Variants in CNTLN observed in about 807,000 individuals in gnomAD.
CNTLN encodes centlein, also known as centlein, centrosomal protein.
A neutral mutation model predicts 180.0 loss-of-function variants in CNTLN; 212 were observed. The ratio of observed to expected loss-of-function variants is 1.18; its 90% CI spans 1.05 to 1.32. The LOEUF (loss-of-function observed/expected upper bound fraction) is 1.32. Ranked by LOEUF, CNTLN falls within the 40% of genes most tolerant of loss-of-function variation. The pLI, the probability that CNTLN is intolerant of heterozygous loss-of-function variation, is 0.00. For synonymous variants in CNTLN, 722 were observed against 563.1 expected (o/e 1.28, Z -3.99); for missense variants, 2,095 against 1,610.9 (o/e 1.30, Z -5.14).
chr9:17,191,380 A>AG (rs1821778433), intron 2 of CNTLN, among the ~76,000 whole-genome samples: 1 of 152,224 alleles, frequency 6.6e-6, no homozygotes, highest in African/African-American at 2.4e-5. Flanking sequence ...TGTCCAATAG[A>AG]TGTCAAGTAT....
intron 12 of CNTLN, among the ~76,000 whole-genome samples, chr9:17,364,759 T>C (rs1823671215): frequency 6.6e-6 from 1 of 152,178 alleles, no homozygotes; most frequent in African/African-American, 2.4e-5. Flanking sequence ...AAGCCTCCCT[T>C]TAGGGATGAT....
At chr9:17,141,168 C>T (rs1367590379) in intron 1 of CNTLN, among the ~76,000 whole-genome samples, 1 of 152,002 alleles carries the variant, frequency 6.6e-6, no homozygotes, top group Non-Finnish European at 1.5e-5. Flanking sequence ...GTTACTTGGG[C>T]AGAATTGTTT....
At position 17,334,043 on chromosome 9, in the gene CNTLN, C is replaced by T. The variant is rs557314660; in HGVS notation, c.1644+1313C>T. On this transcript the variant is annotated intron_variant, in intron 10 of 25. Transcript: ENST00000380647. ...CATTTTTGAGGAGCAAGTCTATCAT[C>T]TTCCTCCTTTTGCATAATTTTTTTT... Among the ~76,000 whole-genome samples the T allele has an allele frequency of 1.2e-4, 18 of 152,132 alleles. No homozygotes were observed. In the South Asian group the frequency reaches 3.7e-3, roughly 32 times the overall value.
chr9:17,153,408 C>T (rs1317825025), intron 2 of CNTLN, among the ~76,000 whole-genome samples: 1 of 152,110 alleles, frequency 6.6e-6, no homozygotes, highest in African/African-American at 2.4e-5. Flanking sequence ...TTCTCATTCG[C>T]TTATGAAGCT....
intron 18 of CNTLN, among the ~76,000 whole-genome samples, chr9:17,430,250 C>T (rs1041766180): frequency 1.2e-4 from 18 of 151,848 alleles, no homozygotes; most frequent in Non-Finnish European, 2.4e-4. Context: ...TGTTCCAGTC[C>T]GTGTTATCAT....
chr9:17,526,102 A>AT, the CNTLN span, among the ~76,000 whole-genome samples: 288 of 152,008 alleles, frequency 1.9e-3, 2 homozygotes, highest in African/African-American at 6.6e-3. Context: ...CACCCAGCTA[A>AT]TTTTTTGTAT....
At chr9:17,219,783 C>A (rs531987881) in intron 2 of CNTLN, among the ~76,000 whole-genome samples, 1 of 152,040 alleles carries the variant, frequency 6.6e-6, no homozygotes, top group Admixed American at 6.6e-5. Flanking sequence ...CATTTATTCT[C>A]ATGGTTCCAG....
chr9:17,475,427 TA>T (rs1261649879), intron 23 of CNTLN, among the ~76,000 whole-genome samples: 1 of 150,622 alleles, frequency 6.6e-6, no homozygotes, highest in Non-Finnish European at 1.5e-5. Context: ...AGAATAAAAA[TA>T]TTTAATTTGT....
intron 7 of CNTLN, among the ~76,000 whole-genome samples, chr9:17,305,719 C>T (rs16935466): frequency 0.021 from 3,152 of 152,140 alleles, 124 homozygotes; most frequent in African/African-American, 0.072. Context: ...GCTGTTTTAA[C>T]CAAGTTTACT....
At chr9:17,422,489 T>C (rs1159976690) in intron 18 of CNTLN, among the ~76,000 whole-genome samples, 1 of 152,202 alleles carries the variant, frequency 6.6e-6, no homozygotes, top group Non-Finnish European at 1.5e-5. Context: ...AAGTCTGCTG[T>C]TGAGAGACTC....
At position 17,268,652 on chromosome 9, in the gene CNTLN, AG is replaced by A. The variant is rs755511616; in HGVS notation, c.850-5079del. 6.6e-5 allele frequency among the ~76,000 whole-genome samples: 10 copies of A among 152,146 alleles called. 1 individual carries two copies. Among genetic ancestry groups the A allele is most frequent in the Non-Finnish European group, 1.0e-4 (7 of 68,022 alleles). On this transcript the variant is annotated intron_variant, in intron 5 of 25. Coordinates refer to ENST00000380647, the MANE Select transcript of CNTLN (RefSeq NM_017738.4). ...CTGCCCCCAGAGGTGGAGCCTACAGAGGCAGGCAGGCCTCCTTGAGCTGTGG... is the reference window on the plus strand; with the variant it reads ...CTGCCCCCAGAGGTGGAGCCTACAGAGCAGGCAGGCCTCCTTGAGCTGTGG...
rs569916059 is a variant in CNTLN at position 17,189,632 on chromosome 9, C to T, written c.450-36571C>T. Among the ~76,000 whole-genome samples, 12 of 151,660 alleles carry T rather than the reference C, an allele frequency of 7.9e-5. No homozygotes were observed. In the South Asian group the frequency reaches 2.5e-3, roughly 32 times the overall value. On this transcript the variant is annotated intron_variant, in intron 2 of 25. Coordinates refer to ENST00000380647, the MANE Select transcript of CNTLN (RefSeq NM_017738.4). ...CTGAGTAGCTGGGATTACAGGTGCC[C>T]ACCATCACACCTGACTAATTTTTTT...
chr9:17,262,708 G>A (rs968594511), intron 5 of CNTLN, among the ~76,000 whole-genome samples: 3 of 151,112 alleles, frequency 2.0e-5, no homozygotes, highest in African/African-American at 4.9e-5. Flanking sequence ...AAACCTTCAC[G>A]ATCTGCACAT....
chr9:17,343,789 C>T (rs10963048), intron 12 of CNTLN, among the ~76,000 whole-genome samples: 43,577 of 151,886 alleles, frequency 0.29, 6,623 homozygotes, highest in South Asian at 0.52. Context: ...TATCACCCCC[C>T]GCTACTCTCC....
intron 13 of CNTLN, among the ~76,000 whole-genome samples, chr9:17,386,564 T>A (rs1211666629): frequency 6.6e-6 from 1 of 152,156 alleles, no homozygotes; most frequent in Non-Finnish European, 1.5e-5. Flanking sequence ...GCCAGAAAAT[T>A]GGATCCTTGT....
chr9:17,286,495 T>C (rs1462189162), intron 6 of CNTLN, among the ~76,000 whole-genome samples: 1 of 128,006 alleles, frequency 7.8e-6, no homozygotes, highest in Non-Finnish European at 1.6e-5. Flanking sequence ...GCGGGCTCTT[T>C]TTTGGTTCCA....
At chr9:17,438,533 A>G (rs1450274025) in intron 18 of CNTLN, among the ~76,000 whole-genome samples, 1 of 152,188 alleles carries the variant, frequency 6.6e-6, no homozygotes, top group Non-Finnish European at 1.5e-5. Flanking sequence ...AGAAAATACC[A>G]AGAAAGTTGA....
In CNTLN at chr9:17,269,924, C is replaced by T. The variant is rs181148276; in HGVS notation, c.850-3809C>T. 9.2e-5 allele frequency among the ~76,000 whole-genome samples: 14 copies of T among 152,036 alleles called. 1 individual carries two copies. Among genetic ancestry groups the T allele is most frequent in the African/African-American group, 2.9e-4 (12 of 41,488 alleles). ...TGTACATTTGTTTTAAGATTTATTT[C>T]TGGTTATTTTATGTTTCTTGTTGGT... On this transcript the variant is annotated intron_variant, in intron 5 of 25. Transcript: ENST00000380647.
intron 8 of CNTLN, among the ~76,000 whole-genome samples, chr9:17,312,384 A>ATAATATATATATATATATATT (rs1563985021): frequency 6.5e-5 from 7 of 108,100 alleles, no homozygotes; most frequent in African/African-American, 2.5e-4. Context: ...ATATATATAT[A>ATAATATATATATATATATATT]ATTTATTTAT....
Sources: allele counts gnomAD v4.1 joint callset (sites outside exome capture counted in the v4.1 genomes callset), GRCh38; gene constraint gnomAD v4.1.1; transcripts MANE v1.5; gene names NCBI Gene and HGNC (gene_info 2026-07-23, HGNC 2026-07-21).